Variants in VAMP7 observed in about 807,000 individuals in gnomAD.
VAMP7 encodes vesicle associated membrane protein 7, also known as vesicle-associated membrane protein 7.
VAMP7 carries 14 observed loss-of-function variants against 29.6 expected under a neutral mutation model. That is an observed-to-expected ratio of 0.47 (90% CI 0.31 to 0.74). VAMP7 has a LOEUF of 0.74. Ranked by LOEUF, VAMP7 falls within the 30% of genes least tolerant of loss-of-function variation. The probability of loss-of-function intolerance (pLI) is 0.05; values close to 1 mark genes in which losing one functional copy is unlikely to be tolerated. For synonymous variants in VAMP7, 95 were observed against 88.1 expected, an observed-to-expected ratio of 1.08 and a Z score of -0.44; for missense variants, 223 against 262.4, an observed-to-expected ratio of 0.85 and a Z score of 1.04.
chrX:155,891,573 T>C (rs1438478919), intron 2 of VAMP7, among the ~76,000 whole-genome samples: 2 of 152,222 alleles, frequency 1.3e-5, no homozygotes, highest in Non-Finnish European at 2.9e-5. Context: ...AAACTCCCAT[T>C]TGGAAAAGGG....
chrX:155,889,894 A>AT (rs2065906851), intron 2 of VAMP7, among the ~76,000 whole-genome samples: 1 of 151,730 alleles, frequency 6.6e-6, no homozygotes, highest in African/African-American at 2.4e-5. Context: ...TGTGAAAATA[A>AT]TTCAGATAAG....
chrX:155,925,391 C>A (rs1294496764), intron 6 of VAMP7, among the ~76,000 whole-genome samples: 2 of 152,118 alleles, frequency 1.3e-5, no homozygotes, highest in East Asian at 3.9e-4. Context: ...TCATGGGCAG[C>A]AGAATGGATG....
chrX:155,924,611 A>G (rs2066443008), intron 6 of VAMP7, among the ~76,000 whole-genome samples: 1 of 152,148 alleles, frequency 6.6e-6, no homozygotes, highest in African/African-American at 2.4e-5. Context: ...AAAAAATGCT[A>G]ACAATCACCT....
chrX:155,899,954 A>G (rs2124273172), intron 4 of VAMP7, among the ~76,000 whole-genome samples: 1 of 152,194 alleles, frequency 6.6e-6, no homozygotes, highest in African/African-American at 2.4e-5. Flanking sequence ...CTAGCTATGG[A>G]TAAATAATTT....
chrX:155,902,341 C>A (rs1290030282), intron 5 of VAMP7, among the ~76,000 whole-genome samples: 1 of 151,358 alleles, frequency 6.6e-6, no homozygotes, highest in East Asian at 1.9e-4. Context: ...TCCTCTTTTC[C>A]TAATTGAATA....
chrX:155,913,173 T>C (rs1159406100), intron 5 of VAMP7, among the ~76,000 whole-genome samples: 2 of 152,208 alleles, frequency 1.3e-5, no homozygotes, highest in Admixed American at 1.3e-4. Flanking sequence ...ATAAATGTCT[T>C]CTTTTGAGAA....
intron 6 of VAMP7, among the ~76,000 whole-genome samples, 166 bp downstream of exon 6, chrX:155,920,046 A>T (rs1179944330): frequency 6.6e-6 from 1 of 152,186 alleles, no homozygotes. Flanking sequence ...ACAATGAGGC[A>T]TAGAAAAGAA....
intron 6 of VAMP7, among the ~76,000 whole-genome samples, chrX:155,924,562 C>T (rs1215360529): frequency 6.6e-6 from 1 of 152,038 alleles, no homozygotes; most frequent in African/African-American, 2.4e-5. Flanking sequence ...CCTTTTGTGT[C>T]TGGCTTATTT....
At chrX:155,916,945 G>T (rs541975379) in intron 5 of VAMP7, among the ~76,000 whole-genome samples, 1 of 152,242 alleles carries the variant, frequency 6.6e-6, no homozygotes, top group African/African-American at 2.4e-5. Flanking sequence ...ATATCCTAAA[G>T]AATGTTTTCC....
At chrX:155,903,263 C>T (rs2066095031) in intron 5 of VAMP7, among the ~76,000 whole-genome samples, 1 of 152,044 alleles carries the variant, frequency 6.6e-6, no homozygotes, top group African/African-American at 2.4e-5. Flanking sequence ...TAGAAGAAAA[C>T]CTAGGCATTA....
chrX:155,891,269 A>T (rs765228469), intron 2 of VAMP7, among the ~76,000 whole-genome samples: 1 of 152,330 alleles, frequency 6.6e-6, no homozygotes, highest in East Asian at 1.9e-4. Context: ...GATGACTTGC[A>T]GTCTTCCAGT....
At chrX:155,892,098 G>A (rs1179002748) in intron 2 of VAMP7, among the ~76,000 whole-genome samples, 3 of 152,238 alleles carry the variant, frequency 2.0e-5, no homozygotes, top group Non-Finnish European at 4.4e-5. Context: ...TATAGAATAT[G>A]TAATCCAATT....
intron 6 of VAMP7, among the ~76,000 whole-genome samples, chrX:155,936,540 C>T (rs970505717): frequency 9.8e-5 from 15 of 152,302 alleles, no homozygotes; most frequent in African/African-American, 2.4e-4. Flanking sequence ...TTGCTAAGAC[C>T]GTTGGAAAAG....
intron 3 of VAMP7, among the ~76,000 whole-genome samples, chrX:155,897,105 C>T (rs1163545663): frequency 2.0e-5 from 3 of 151,974 alleles, no homozygotes; most frequent in Non-Finnish European, 4.4e-5. Context: ...ATATCTGTAA[C>T]TGTGATGGTA....
At chrX:155,899,902 A>T (rs1490447071) in intron 4 of VAMP7, among the ~76,000 whole-genome samples, 1 of 152,130 alleles carries the variant, frequency 6.6e-6, no homozygotes, top group Admixed American at 6.6e-5. Context: ...ACTTAACACA[A>T]TGAAATGACT....
chrX:155,930,148 A>G (rs2066526987), intron 6 of VAMP7, among the ~76,000 whole-genome samples: 1 of 152,120 alleles, frequency 6.6e-6, no homozygotes, highest in Non-Finnish European at 1.5e-5. Context: ...AAGCTTACCC[A>G]AGCCTTAGTG....
At chrX:155,916,945 G>A (rs541975379) in intron 5 of VAMP7, among the ~76,000 whole-genome samples, 1 of 152,242 alleles carries the variant, frequency 6.6e-6, no homozygotes, top group Admixed American at 6.5e-5. Context: ...ATATCCTAAA[G>A]AATGTTTTCC....
chrX:155,928,403 A>G (rs1472988047), intron 6 of VAMP7, among the ~76,000 whole-genome samples: 9 of 152,182 alleles, frequency 5.9e-5, no homozygotes, highest in African/African-American at 1.9e-4. Context: ...CTGGGCTGAA[A>G]TTAAGGTGTT....
intron 2 of VAMP7, among the ~76,000 whole-genome samples, chrX:155,893,585 C>G (rs993187329): frequency 6.6e-6 from 1 of 152,100 alleles, no homozygotes; most frequent in African/African-American, 2.4e-5. Flanking sequence ...GTGAGGTGCC[C>G]GCTAATTCAG....
Sources: gnomAD v4.1 joint callset for allele counts (sites outside exome capture counted in the v4.1 genomes callset) on GRCh38, gnomAD v4.1.1 for gene constraint, MANE v1.5 for transcripts, NCBI Gene and HGNC (gene_info 2026-07-23, HGNC 2026-07-21) for gene names.